Variants in PPARGC1A observed in about 807,000 individuals in gnomAD.
PPARGC1A encodes PPARG coactivator 1 alpha.
Under a neutral mutation model 88.7 loss-of-function variants are expected in PPARGC1A, and 25 were observed. The observed-to-expected ratio is 0.28, with a 90% CI of 0.21 to 0.39. The LOEUF is 0.39. Among genes scored for constraint, PPARGC1A ranks in the 10% least tolerant of loss-of-function variants. The pLI, the probability that PPARGC1A is intolerant of heterozygous loss-of-function variation, is 1.00. For missense variants in PPARGC1A, 880 were observed against 968.7 expected, an observed-to-expected ratio of 0.91 and a Z score of 1.22; for synonymous variants, 363 against 355.6, an observed-to-expected ratio of 1.02 and a Z score of -0.24.
the PPARGC1A span, among the ~76,000 whole-genome samples, chr4:24,173,302 C>T: frequency 2.8e-5 from 4 of 140,460 alleles, no homozygotes; most frequent in African/African-American, 8.0e-5. Context: ...ATAGCAGTGG[C>T]TAGTTTTGGA....
chr4:24,252,178 C>G, the PPARGC1A span, among the ~76,000 whole-genome samples: 1 of 152,114 alleles, frequency 6.6e-6, no homozygotes, highest in African/African-American at 2.4e-5. Context: ...TTTATCAACA[C>G]CAAATATGGT....
At chr4:23,809,993 C>T (rs1162774792) in intron 10 of PPARGC1A, among the ~76,000 whole-genome samples, 1 of 152,144 alleles carries the variant, frequency 6.6e-6, no homozygotes, top group East Asian at 1.9e-4. Flanking sequence ...GTATTTTTAT[C>T]TGCCAGTATG....
the PPARGC1A span, among the ~76,000 whole-genome samples, chr4:24,313,090 G>A: frequency 3.9e-5 from 6 of 152,182 alleles, 1 homozygote; most frequent in African/African-American, 1.2e-4. Context: ...AAAACAAACA[G>A]CGAATGATAA....
At position 23,889,607 on chromosome 4, in the gene PPARGC1A, A is replaced by G. The variant is rs1161467120; in HGVS notation, c.54+297T>C. Among the ~76,000 whole-genome samples, 4 of 152,340 alleles carry G rather than the reference A, an allele frequency of 2.6e-5. No individual in the cohort carries two copies. The East Asian group carries it at 5.8e-4, about 22-fold the overall frequency. On this transcript the variant is annotated intron_variant, in intron 1 of 12. Transcript: ENST00000264867. ...AGCTTCTGATTCATATCAATATCTTAGAGCATAAATATTGCATATGAGTAG... is the reference window on the plus strand; with the variant it reads ...AGCTTCTGATTCATATCAATATCTTGGAGCATAAATATTGCATATGAGTAG...
chr4:24,257,531 C>G, the PPARGC1A span, among the ~76,000 whole-genome samples: 3 of 152,112 alleles, frequency 2.0e-5, no homozygotes, highest in African/African-American at 7.2e-5. Context: ...TCTACCAAAG[C>G]AGTTGCTTTG....
Position 23,811,821 on chromosome 4 carries a change from G to A in PPARGC1A, c.2019+926C>T, listed in dbSNP as rs1720941817. On this transcript the variant is annotated intron_variant, in intron 10 of 12. Transcript: ENST00000264867. ...GAAATCCATAAAATGTCATTGAAAA[G>A]TAGTTCATAAGAAATGTGGGTGTGT... Among the ~76,000 whole-genome samples the A allele has an allele frequency of 2.1e-5, 3 of 143,312 alleles. No homozygotes were observed. The South Asian group carries it at 7.1e-4, about 34-fold the overall frequency. The allele number at this position is 143,312 out of a possible 152,430, so 94.0% of individuals were successfully genotyped here. A position where few individuals can be genotyped will look rare whatever the true frequency, so the allele number is the denominator to read the frequency against.
chr4:24,370,888 C>A, the PPARGC1A span, among the ~76,000 whole-genome samples: 1 of 151,000 alleles, frequency 6.6e-6, no homozygotes, highest in South Asian at 2.1e-4. Flanking sequence ...AGGTTTTAAG[C>A]CCCGTATGCA....
At chr4:23,825,238 C>G (rs1560382056) in intron 5 of PPARGC1A, 1 of 152,046 alleles carries the variant, frequency 6.6e-6, no homozygotes, top group African/African-American at 2.4e-5. Context: ...TCAATTGCTT[C>G]TCTGTGGCAA....
At chr4:24,035,131 A>G in the PPARGC1A span, among the ~76,000 whole-genome samples, 122 of 152,338 alleles carry the variant, frequency 8.0e-4, no homozygotes, top group African/African-American at 2.8e-3. Context: ...TGTGTGGCAA[A>G]CACTTGTTGA....
the PPARGC1A span, among the ~76,000 whole-genome samples, chr4:24,026,352 TAA>T: frequency 2.3e-3 from 351 of 152,286 alleles, 3 homozygotes; most frequent in African/African-American, 7.8e-3. Flanking sequence ...AAATTCACAG[TAA>T]AGATTCAGAA....
At chr4:23,839,480 A>G (rs1726660275) in intron 2 of PPARGC1A, among the ~76,000 whole-genome samples, 1 of 152,104 alleles carries the variant, frequency 6.6e-6, no homozygotes, top group African/African-American at 2.4e-5. Context: ...ACTGAAAGAG[A>G]AACTGGGCAC....
At chr4:24,279,052 A>G in the PPARGC1A span, among the ~76,000 whole-genome samples, 1 of 152,214 alleles carries the variant, frequency 6.6e-6, no homozygotes, top group Non-Finnish European at 1.5e-5. Flanking sequence ...TGGTGTTAGC[A>G]TTGTCACTTC....
the PPARGC1A span, among the ~76,000 whole-genome samples, chr4:24,251,016 C>A: frequency 3.9e-5 from 6 of 152,162 alleles, no homozygotes; most frequent in Admixed American, 1.3e-4. Context: ...GATATGACCA[C>A]TATTATTCAT....
At chr4:24,112,337 C>A in the PPARGC1A span, among the ~76,000 whole-genome samples, 7 of 152,272 alleles carry the variant, frequency 4.6e-5, no homozygotes, top group Non-Finnish European at 1.0e-4. Flanking sequence ...AGACTTTCTA[C>A]ATTTTTCTAT....
At chr4:24,350,362 C>T in the PPARGC1A span, among the ~76,000 whole-genome samples, 2 of 152,182 alleles carry the variant, frequency 1.3e-5, no homozygotes, top group Non-Finnish European at 2.9e-5. Flanking sequence ...GCTGGGTACA[C>T]TTACACAAAT....
At chr4:24,387,951 A>G in the PPARGC1A span, among the ~76,000 whole-genome samples, 2 of 149,684 alleles carry the variant, frequency 1.3e-5, no homozygotes, top group South Asian at 2.1e-4. Flanking sequence ...AAAGAAAGAA[A>G]GAAAGAAAGG....
the PPARGC1A span, among the ~76,000 whole-genome samples, chr4:24,051,203 A>C: frequency 2.0e-5 from 3 of 151,164 alleles, no homozygotes; most frequent in Admixed American, 6.6e-5. Flanking sequence ...AAAAAAAAAA[A>C]AAAAAAAAAC....
the PPARGC1A span, among the ~76,000 whole-genome samples, chr4:24,355,852 A>T: frequency 6.6e-6 from 1 of 152,214 alleles, no homozygotes; most frequent in Admixed American, 6.5e-5. Flanking sequence ...GGTTAGCTGA[A>T]GCCAAGCCTC....
chr4:24,138,864 C>T, the PPARGC1A span, among the ~76,000 whole-genome samples: 45 of 152,258 alleles, frequency 3.0e-4, no homozygotes, highest in African/African-American at 1.1e-3. Flanking sequence ...CAGAGACTGT[C>T]TATTAAACTA....
Sources: gnomAD v4.1 joint callset for allele counts (sites outside exome capture counted in the v4.1 genomes callset) on GRCh38, gnomAD v4.1.1 for gene constraint, MANE v1.5 for transcripts, NCBI Gene and HGNC (gene_info 2026-07-23, HGNC 2026-07-21) for gene names.